The following ADAMTS2 variants were observed in gnomAD, a reference collection of about 807,000 sequenced individuals.
ADAMTS2 encodes the protein ADAM metallopeptidase with thrombospondin type 1 motif 2, also known as A disintegrin and metalloproteinase with thrombospondin motifs 2.
A neutral mutation model predicts 123.0 loss-of-function variants in ADAMTS2; 50 were observed. That is an observed-to-expected ratio of 0.41 (90% CI 0.32 to 0.51). The LOEUF (loss-of-function observed/expected upper bound fraction) is 0.51. Ranked by LOEUF, ADAMTS2 falls within the 20% of genes least tolerant of loss-of-function variation. The pLI is 0.35. For missense variants in ADAMTS2, 1,494 were observed against 1,705.2 expected, an observed-to-expected ratio of 0.88 and a Z score of 2.18; for synonymous variants, 678 against 695.4, an observed-to-expected ratio of 0.98 and a Z score of 0.39.
At chr5:179,183,712 G>C (rs1298523144) in intron 4 of ADAMTS2, among the ~76,000 whole-genome samples, 1 of 152,238 alleles carries the variant, frequency 6.6e-6, no homozygotes, top group Non-Finnish European at 1.5e-5. Context: ...GCAAGCCCAG[G>C]GGGGCACTGG....
intron 10 of ADAMTS2, 65 bp downstream of exon 10, chr5:179,152,076 AC>A: frequency 2.1e-6 from 3 of 1,439,448 alleles, no homozygotes; most frequent in Non-Finnish European, 2.9e-6. Context: ...GTCCCTGGTG[AC>A]CCGGGCACCT....
intron 3 of ADAMTS2, among the ~76,000 whole-genome samples, chr5:179,214,266 C>T (rs1366733388): frequency 8.5e-6 from 1 of 117,978 alleles, no homozygotes; most frequent in East Asian, 2.2e-4. Flanking sequence ...CACATTAGGA[C>T]ACAACTCAAA....
chr5:179,234,689 T>C lies in ADAMTS2; in HGVS notation c.689-26974A>G, dbSNP rs983636493. Among the ~76,000 whole-genome samples the C allele has an allele frequency of 2.5e-4, 38 of 152,018 alleles. No homozygotes were observed. Among genetic ancestry groups the C allele is most frequent in the Non-Finnish European group, 4.4e-5 (3 of 67,980 alleles). On this transcript the variant is annotated intron_variant, in intron 3 of 21. Coordinates refer to ENST00000251582, the MANE Select transcript of ADAMTS2 (RefSeq NM_014244.5). This position sits in a 1 kb window ranked among gnomAD's most constrained non-coding sequence, Gnocchi z 4.7. ...CTGCTGTGCCCATCTCATCTCCACA[T>C]CCAAGGAGTCACCGCATCCTGGCAC...
chr5:179,314,897 C>T lies in ADAMTS2; in HGVS notation c.534+28870G>A, dbSNP rs1201384666. 6.6e-6 allele frequency among the ~76,000 whole-genome samples: 1 copy of T among 152,104 alleles called. No individual in the cohort carries two copies. Among genetic ancestry groups the T allele is most frequent in the African/African-American group, 2.4e-5 (1 of 41,402 alleles). ...TTAGCATGGCCCGGGAGCCTCAAGCCCAGGGCCTACCTAGAAGTAACTCTC... is the reference window on the plus strand; with the variant it reads ...TTAGCATGGCCCGGGAGCCTCAAGCTCAGGGCCTACCTAGAAGTAACTCTC... On this transcript the variant is annotated intron_variant, in intron 2 of 21. Transcript: ENST00000251582. The surrounding 1 kb of genome is among the most constrained non-coding windows in gnomAD (Gnocchi z 4.5).
At chr5:179,249,992 A>G (rs887240578) in intron 3 of ADAMTS2, among the ~76,000 whole-genome samples, 3 of 152,232 alleles carry the variant, frequency 2.0e-5, no homozygotes, top group African/African-American at 7.2e-5. Flanking sequence ...CTTATATACA[A>G]TCACCAAGTG....
At position 179,242,353 on chromosome 5, in the gene ADAMTS2, C is replaced by A. The variant is rs1269105460; in HGVS notation, c.688+30558G>T. Among the ~76,000 whole-genome samples, 1 of 152,118 alleles carries A rather than the reference C, an allele frequency of 6.6e-6. No homozygotes were observed. Among genetic ancestry groups the A allele is most frequent in the Non-Finnish European group, 1.5e-5 (1 of 68,028 alleles). ...CTAATTATACCTTGAATGACCCTGACATATCCAGTGTCTTCTACCTTCCTT... is the reference window on the plus strand; with the variant it reads ...CTAATTATACCTTGAATGACCCTGAAATATCCAGTGTCTTCTACCTTCCTT... On this transcript the variant is annotated intron_variant, in intron 3 of 21. Transcript: ENST00000251582. The surrounding 1 kb of genome is among the most constrained non-coding windows in gnomAD (Gnocchi z 4.2).
intron 20 of ADAMTS2, among the ~76,000 whole-genome samples, chr5:179,122,043 G>A (rs12374559): frequency 1.3e-5 from 2 of 152,076 alleles, no homozygotes; most frequent in African/African-American, 2.4e-5. Flanking sequence ...CCCTGCCCGC[G>A]CCCCGGGTTC....
chr5:179,301,508 G>C (rs145416015), intron 2 of ADAMTS2, among the ~76,000 whole-genome samples: 1 of 152,210 alleles, frequency 6.6e-6, no homozygotes, highest in African/African-American at 2.4e-5. Flanking sequence ...TGGTGGATCC[G>C]GATCTGCTCG....
intron 4 of ADAMTS2, among the ~76,000 whole-genome samples, chr5:179,190,453 A>G (rs546226394): frequency 3.5e-5 from 5 of 141,570 alleles, no homozygotes; most frequent in Admixed American, 6.9e-5. Context: ...GCGTCCGAAT[A>G]AAAGGAGAAA....
At chr5:179,235,938 T>C (rs775968010) in intron 3 of ADAMTS2, among the ~76,000 whole-genome samples, 3 of 152,228 alleles carry the variant, frequency 2.0e-5, no homozygotes, top group Non-Finnish European at 2.9e-5. Context: ...TGACCACTCA[T>C]GTCCACCTAG....
chr5:179,339,923 C>T (rs770707275), intron 2 of ADAMTS2, among the ~76,000 whole-genome samples: 22 of 152,348 alleles, frequency 1.4e-4, no homozygotes, highest in Non-Finnish European at 2.4e-4. Context: ...TCCCTTAGGC[C>T]GGCTTCTGAC....
intron 2 of ADAMTS2, among the ~76,000 whole-genome samples, chr5:179,302,418 G>A (rs1756554948): frequency 7.0e-6 from 1 of 142,258 alleles, no homozygotes; most frequent in African/African-American, 2.6e-5. Flanking sequence ...GCGGGGGAGT[G>A]ATAAGGCCCC....
chr5:179,198,460 C>T (rs1483628559), intron 4 of ADAMTS2, among the ~76,000 whole-genome samples: 2 of 152,202 alleles, frequency 1.3e-5, no homozygotes, highest in Admixed American at 6.5e-5. Context: ...TCTGACCAGG[C>T]TAAGGGCCGC....
At chr5:179,253,080 C>T (rs545836494) in intron 3 of ADAMTS2, among the ~76,000 whole-genome samples, 3 of 152,292 alleles carry the variant, frequency 2.0e-5, no homozygotes, top group Admixed American at 6.5e-5. Context: ...TTGCCTTTGG[C>T]GGCCTGATAG....
chr5:179,146,212 A>G (rs1763247196), intron 10 of ADAMTS2, among the ~76,000 whole-genome samples: 1 of 152,308 alleles, frequency 6.6e-6, no homozygotes, highest in East Asian at 1.9e-4. Flanking sequence ...GCTGTTAGGG[A>G]AAAAAACCAA....
Position 179,308,587 on chromosome 5 carries a change from T to A in ADAMTS2, c.534+35180A>T, listed in dbSNP as rs1324873372. On this transcript the variant is annotated intron_variant, in intron 2 of 21. Coordinates refer to ENST00000251582, the MANE Select transcript of ADAMTS2 (RefSeq NM_014244.5). The surrounding 1 kb of genome is among the most constrained non-coding windows in gnomAD (Gnocchi z 6.6). ...TTTTCTAGGCAAAACTTTGGGAGGA[T>A]CCTTTTTAATTGTATTTGCAAAACA... is the stretch of plus-strand genomic sequence containing the variant. Among the ~76,000 whole-genome samples, 3 of 152,022 alleles carry A rather than the reference T, an allele frequency of 2.0e-5. No individual in the cohort carries two copies. The highest frequency in any genetic ancestry group is 2.9e-5 in the Non-Finnish European group (2 of 67,986).
intron 2 of ADAMTS2, among the ~76,000 whole-genome samples, chr5:179,336,082 C>CA (rs1757603897): frequency 6.6e-6 from 1 of 152,240 alleles, no homozygotes; most frequent in Non-Finnish European, 1.5e-5. Context: ...GGACATTCTG[C>CA]ACAGAGCTGG....
intron 2 of ADAMTS2, among the ~76,000 whole-genome samples, chr5:179,310,420 G>A (rs1290960646): frequency 6.6e-6 from 1 of 152,236 alleles, no homozygotes; most frequent in Non-Finnish European, 1.5e-5. Context: ...CTGCCTTGCA[G>A]GGTACAGTAT....
chr5:179,148,887 C>T (rs1214540445), intron 10 of ADAMTS2, among the ~76,000 whole-genome samples: 3 of 152,190 alleles, frequency 2.0e-5, no homozygotes, highest in Admixed American at 2.0e-4. Flanking sequence ...CTCCTCCCAT[C>T]AGGCTGGGCC....
Sources: gnomAD v4.1 joint callset for allele counts (sites outside exome capture counted in the v4.1 genomes callset) on GRCh38, gnomAD v4.1.1 for gene constraint, Gnocchi (gnomAD v3.1) non-coding constraint, MANE v1.5 for transcripts, NCBI Gene and HGNC (gene_info 2026-07-23, HGNC 2026-07-21) for gene names.